The following DDX47 variants were observed in gnomAD, a reference collection of about 807,000 sequenced individuals.
The protein encoded by DDX47 is probable ATP-dependent RNA helicase DDX47.
Under a neutral mutation model 58.8 loss-of-function variants are expected in DDX47, and 60 were observed. That is an observed-to-expected ratio of 1.02 (90% CI 0.83 to 1.26). DDX47 has a LOEUF of 1.26. Ranked by LOEUF, DDX47 falls within the 50% of genes most tolerant of loss-of-function variation. The pLI, the probability that DDX47 is intolerant of heterozygous loss-of-function variation, is 0.00. For missense variants in DDX47, 530 were observed against 573.2 expected (o/e 0.92, Z 0.77); for synonymous variants, 197 against 204.6 (o/e 0.96, Z 0.32).
intron 4 of DDX47, 98 bp downstream of exon 4, chr12:12,821,824 C>T: frequency 1.6e-6 from 2 of 1,254,722 alleles, no homozygotes; most frequent in Non-Finnish European, 2.3e-6. Context: ...ATTTTGTAAC[C>T]CTGTTAAATT....
Position 12,813,426 on chromosome 12 carries a change from A to G in DDX47, c.59A>G (p.Glu20Gly). 1 of 1,612,996 alleles carries G rather than the reference A, an allele frequency of 6.2e-7. No homozygotes were observed. Among genetic ancestry groups the G allele is most frequent in the African/African-American group, 1.3e-5 (1 of 75,018 alleles). The change falls in exon 1 of 12, where the codon GAG becomes GGG. Residue 20 changes from glutamate (E) to glycine (G), a missense_variant. Glu to Gly is a moderately conservative substitution (Grantham distance 98). Coordinates refer to ENST00000358007, the MANE Select transcript of DDX47 (RefSeq NM_016355.4). The part of the protein sequence containing the change: ...PTEASQPIVE[E>G]EETKTFKDLG... ...GAAGCGTCCCAGCCGATTGTGGAAG[A>G]GGAGGAAACTAAAACATTTAAAGAC...
At chr12:12,823,596 G>A (rs1447226399) in intron 7 of DDX47, 6 of 546,916 alleles carry the variant, frequency 1.1e-5, no homozygotes, top group Non-Finnish European at 1.9e-5. Flanking sequence ...CTTATTATGT[G>A]GCTTTTATTT....
rs1467877552 is a variant in DDX47 at position 12,824,535 on chromosome 12, C to T, written c.898-5C>T. On this transcript the variant is annotated splice_polypyrimidine_tract_variant and splice_region_variant and intron_variant, in intron 8 of 11. Transcript: ENST00000358007. ...TTTTCCAACATTTCTTTTTCATTAC[C>T]TCAGAGTAAGCGCCTAGGATCCCTT... 1.2e-6 allele frequency: 2 copies of T among 1,604,278 alleles called. No individual in the cohort carries two copies. The highest frequency in any genetic ancestry group is 2.7e-5 in the African/African-American group (2 of 74,192).
Position 12,814,134 on chromosome 12 carries a change from G to A in DDX47, c.91G>A (p.Val31Met). 6.2e-7 allele frequency: 1 copy of A among 1,611,656 alleles called. No homozygotes were observed. The highest frequency in any genetic ancestry group is 8.5e-7 in the Non-Finnish European group (1 of 1,177,786). ...EETKTFKDLGVTDVLCEACDQ... is the reference protein window; with the variant it reads ...EETKTFKDLGMTDVLCEACDQ... ...GTATATTTTTCTGAATTCCAAGGGT[G>A]TGACAGATGTGTTGTGTGAAGCTTG... The change falls in exon 2 of 12, where the codon GTG becomes ATG. Residue 31 changes from valine (V) to methionine (M), a missense_variant. Transcript: ENST00000358007.
At chr12:12,821,549 G>T in intron 3 of DDX47, 106 bp from the exon 4 acceptor site, 1 of 1,426,250 alleles carries the variant, frequency 7.0e-7, no homozygotes, top group East Asian at 2.3e-5. Flanking sequence ...TTAATTGTAA[G>T]GGAAGAACAA....
intron 7 of DDX47, 108 bp downstream of exon 7, chr12:12,823,427 CCTGT>C (rs1378874242): frequency 4.7e-5 from 35 of 752,538 alleles, no homozygotes; most frequent in Admixed American, 1.8e-4. Context: ...AGATTGGCAT[CCTGT>C]CTGTTTGCTT....
chr12:12,825,904 T>G (rs1256759943), intron 9 of DDX47, 96 bp from the exon 10 acceptor site: 11 of 904,046 alleles, frequency 1.2e-5, no homozygotes, highest in Non-Finnish European at 1.6e-5. Context: ...ATGAATCTAT[T>G]TTCTTTCAAA....
Position 12,824,035 on chromosome 12 carries a change from C to T in DDX47, c.897+19C>T, listed in dbSNP as rs1279095555. ...GAGTCAGGTAAGGATTCATCATCAT[C>T]ATCAGCCATGCACTGGTGGCGTGAG... is the stretch of plus-strand genomic sequence containing the variant. On this transcript the variant is annotated intron_variant, in intron 8 of 11. Transcript: ENST00000358007. 4 of 1,611,470 alleles carry T rather than the reference C, an allele frequency of 2.5e-6. No individual in the cohort carries two copies. Among genetic ancestry groups the T allele is most frequent in the Non-Finnish European group, 3.4e-6 (4 of 1,178,874 alleles).
intron 7 of DDX47, chr12:12,823,669 C>A: frequency 1.7e-6 from 1 of 597,908 alleles, no homozygotes; most frequent in Non-Finnish European, 2.9e-6. Context: ...GAGTACAGAT[C>A]TCCTGCCTGC....
intron 2 of DDX47, among the ~76,000 whole-genome samples, chr12:12,815,850 T>G (rs1435878860): frequency 1.3e-5 from 2 of 152,284 alleles, no homozygotes; most frequent in African/African-American, 2.4e-5. Flanking sequence ...ATGAAGGATT[T>G]AGAGTTGTAC....
At chr12:12,826,955 C>T (rs1863060461) in intron 10 of DDX47, among the ~76,000 whole-genome samples, 1 of 151,266 alleles carries the variant, frequency 6.6e-6, no homozygotes, top group Non-Finnish European at 1.5e-5. Context: ...TGGCATCTCA[C>T]TGTGTTGTCC....
intron 7 of DDX47, chr12:12,823,550 C>T: frequency 1.8e-6 from 1 of 554,132 alleles, no homozygotes; most frequent in Non-Finnish European, 3.2e-6. Flanking sequence ...TAATTCCTTC[C>T]CATCCCCATC....
Position 12,823,256 on chromosome 12 carries a change from C to A in DDX47, c.687C>A (p.Ser229=), listed in dbSNP as rs1863000054. ...AGAATCCTGTGAAATGTGCCGTTTC[C>A]TCTAAATACCAGACAGTTGAAAAAT... The part of the protein sequence containing the change: ...ALKNPVKCAV[S]SKYQTVEKLQ... Residue 229 remains serine (S), a synonymous_variant, in exon 7 of 12, where the codon TCC becomes TCA. Transcript: ENST00000358007. 2 of 1,613,962 alleles carry A rather than the reference C, an allele frequency of 1.2e-6. No homozygotes were observed. The highest frequency in any genetic ancestry group is 1.7e-6 in the Non-Finnish European group (2 of 1,179,848).
At chr12:12,814,543 A>T in intron 2 of DDX47, 1 of 268,404 alleles carries the variant, frequency 3.7e-6, no homozygotes, top group Non-Finnish European at 7.3e-6. Context: ...CCTGGAACAC[A>T]TATGTGTGTC....
intron 2 of DDX47, among the ~76,000 whole-genome samples, chr12:12,819,032 C>A (rs58231470): frequency 0.028 from 4,294 of 152,242 alleles, 200 homozygotes; most frequent in African/African-American, 0.095. Context: ...ATGGCAGATC[C>A]TGGTTTAACT....
At chr12:12,827,411 A>G in intron 11 of DDX47, 36 bp downstream of exon 11, 1 of 1,609,788 alleles carries the variant, frequency 6.2e-7, no homozygotes, top group Non-Finnish European at 8.5e-7. Flanking sequence ...TGTCTGTGCA[A>G]ACAATGTTAA....
intron 3 of DDX47, 126 bp from the exon 4 acceptor site, chr12:12,821,529 G>A: frequency 7.0e-7 from 1 of 1,421,540 alleles, no homozygotes; most frequent in Non-Finnish European, 9.9e-7. Context: ...TTTGAGCTTT[G>A]GGAAGAGTAT....
chr12:12,818,981 G>C (rs181256492), intron 2 of DDX47, among the ~76,000 whole-genome samples: 84 of 152,272 alleles, frequency 5.5e-4, no homozygotes, highest in African/African-American at 1.7e-3. Flanking sequence ...AGATTGGGTG[G>C]GGACACAGCC....
chr12:12,829,162 C>T (rs1386965851), intron 11 of DDX47, among the ~76,000 whole-genome samples: 1 of 152,206 alleles, frequency 6.6e-6, no homozygotes, highest in Non-Finnish European at 1.5e-5. Context: ...TTTTTCTACA[C>T]CTTGGCCAAT....
Sources: gnomAD v4.1 joint callset for allele counts (sites outside exome capture counted in the v4.1 genomes callset) on GRCh38, gnomAD v4.1.1 for gene constraint, MANE v1.5 for transcripts, NCBI Gene and HGNC (gene_info 2026-07-23, HGNC 2026-07-21) for gene names.